PTPRG: variants seen among roughly 807,000 people sequenced by gnomAD.
The protein encoded by PTPRG is receptor-type tyrosine-protein phosphatase gamma.
In PTPRG, 102 loss-of-function variants were observed where a neutral mutation model predicts 165.3. The ratio of observed to expected loss-of-function variants is 0.62; its 90% CI spans 0.53 to 0.73. PTPRG has a LOEUF of 0.73. Ranked by LOEUF, PTPRG falls within the 30% of genes least tolerant of loss-of-function variation. PTPRG has a pLI of 0.00. For missense variants in PTPRG, 1,866 were observed against 1,861.4 expected, an observed-to-expected ratio of 1.00 and a Z score of -0.05; for synonymous variants, 675 against 669.5, an observed-to-expected ratio of 1.01 and a Z score of -0.13.
intron 1 of PTPRG, among the ~76,000 whole-genome samples, chr3:61,690,473 G>T (rs115320602): frequency 6.6e-6 from 1 of 152,162 alleles, no homozygotes; most frequent in East Asian, 1.9e-4. Flanking sequence ...TCACCTGGAC[G>T]TCTGATACAT....
At chr3:61,801,293 C>T (rs983357919) in intron 2 of PTPRG, among the ~76,000 whole-genome samples, 35 of 151,768 alleles carry the variant, frequency 2.3e-4, no homozygotes, top group South Asian at 6.3e-4. Context: ...TGTGCGCACA[C>T]GCATATGTGT....
intron 5 of PTPRG, among the ~76,000 whole-genome samples, chr3:62,098,328 G>A (rs2106818264): frequency 6.6e-6 from 1 of 152,240 alleles, no homozygotes; most frequent in South Asian, 2.1e-4. Flanking sequence ...CACTTACATT[G>A]TATTAGGTAT....
chr3:61,701,466 GT>G (rs2106705778), intron 1 of PTPRG, among the ~76,000 whole-genome samples: 1 of 152,162 alleles, frequency 6.6e-6, no homozygotes, highest in East Asian at 1.9e-4. Context: ...GATTATAATA[GT>G]AATATTTGAA....
rs140231422 is a variant in PTPRG at position 62,254,155 on chromosome 3, A to G, written c.2468-969A>G. Among the ~76,000 whole-genome samples the G allele has an allele frequency of 1.3e-5, 2 of 152,344 alleles. No homozygotes were observed. The highest frequency in any genetic ancestry group is 3.9e-4 in the East Asian group (2 of 5,184). ...ACCTCATTTACACATACAGATCTTC[A>G]TACCCTTTGCTAAGAAAAGCATCTG... On this transcript the variant is annotated intron_variant, in intron 15 of 29. Coordinates refer to ENST00000474889, the MANE Select transcript of PTPRG (RefSeq NM_002841.4). The surrounding 1 kb of genome is among the most constrained non-coding windows in gnomAD (Gnocchi z 4.6).
At chr3:61,945,905 G>A (rs1456617283) in intron 2 of PTPRG, among the ~76,000 whole-genome samples, 2 of 152,184 alleles carry the variant, frequency 1.3e-5, no homozygotes, top group East Asian at 1.9e-4. Flanking sequence ...ACACAGAGAC[G>A]TGAAGTGGCT....
At position 62,293,237 on chromosome 3, in the gene PTPRG, T is replaced by A. The variant is rs1227001417; in HGVS notation, c.4268T>A (p.Val1423Glu). The change falls in exon 30 of 30, where the codon GTA (valine) becomes GAA (glutamate). Residue 1423 changes from valine (V) to glutamate (E), a missense_variant. Physicochemically the swap from Val to Glu is moderately radical, Grantham distance 121. This residue lies in a region of PTPRG where 1,452 missense variants were observed against 1,463.0 expected (regional missense o/e 0.99). Coordinates refer to ENST00000474889, the MANE Select transcript of PTPRG (RefSeq NM_002841.4). Reference protein sequence around the residue: ...TKENGNGPMTVDKNGAVLIAD... With the variant: ...TKENGNGPMTEDKNGAVLIAD... Reference sequence around the variant, plus strand: ...GAAAATGGAAATGGTCCCATGACAGTAGACAAAAATGGTGCTGTTCTTATT... The same window carrying A: ...GAAAATGGAAATGGTCCCATGACAGAAGACAAAAATGGTGCTGTTCTTATT... 6.2e-7 allele frequency: 1 copy of A among 1,611,932 alleles called. No individual in the cohort carries two copies. Among genetic ancestry groups the A allele is most frequent in the African/African-American group, 1.3e-5 (1 of 74,800 alleles).
At chr3:62,150,715 T>A (rs114902373) in intron 6 of PTPRG, among the ~76,000 whole-genome samples, 9 of 152,300 alleles carry the variant, frequency 5.9e-5, no homozygotes, top group African/African-American at 2.2e-4. Context: ...CAAATAATCA[T>A]TGGGCTAAAA....
At chr3:62,266,093 T>C (rs1001422179) in intron 17 of PTPRG, among the ~76,000 whole-genome samples, 2 of 152,196 alleles carry the variant, frequency 1.3e-5, no homozygotes, top group African/African-American at 4.8e-5. Flanking sequence ...TGGTTAAATG[T>C]GAATTGCACT....
At chr3:61,965,832 CT>C (rs1414510097) in intron 2 of PTPRG, among the ~76,000 whole-genome samples, 1 of 152,226 alleles carries the variant, frequency 6.6e-6, no homozygotes, top group African/African-American at 2.4e-5. Flanking sequence ...CCCAGGACCA[CT>C]TACATGCCAA....
intron 1 of PTPRG, among the ~76,000 whole-genome samples, chr3:61,578,615 A>C (rs575062896): frequency 2.3e-4 from 35 of 152,340 alleles, no homozygotes; most frequent in African/African-American, 7.9e-4. Context: ...CCAGCCTGCT[A>C]CTTAATTTGG....
At chr3:62,020,685 G>C (rs930384419) in intron 4 of PTPRG, among the ~76,000 whole-genome samples, 3 of 152,068 alleles carry the variant, frequency 2.0e-5, no homozygotes, top group Middle Eastern at 3.4e-3. Flanking sequence ...TACTTAGCAG[G>C]GGCTTATTTC....
intron 13 of PTPRG, among the ~76,000 whole-genome samples, chr3:62,221,677 A>G (rs1443717402): frequency 6.6e-6 from 1 of 152,196 alleles, no homozygotes; most frequent in African/African-American, 2.4e-5. Flanking sequence ...GAGGCAGATC[A>G]AAACCTTCTG....
At chr3:61,657,967 T>C (rs1473881910) in intron 1 of PTPRG, among the ~76,000 whole-genome samples, 1 of 151,846 alleles carries the variant, frequency 6.6e-6, no homozygotes, top group Admixed American at 6.6e-5. Flanking sequence ...GACATGAGTG[T>C]GCATGTGGAC....
chr3:61,658,743 T>C (rs1702579876), intron 1 of PTPRG, among the ~76,000 whole-genome samples: 1 of 152,190 alleles, frequency 6.6e-6, no homozygotes, highest in Admixed American at 6.5e-5. Context: ...AGGTGAAGTA[T>C]TTATAGAATG....
intron 1 of PTPRG, among the ~76,000 whole-genome samples, chr3:61,700,026 G>T (rs1438340706): frequency 1.3e-5 from 2 of 152,060 alleles, no homozygotes; most frequent in African/African-American, 4.8e-5. Context: ...TGGGATTCTG[G>T]GTTCTTGGCA....
intron 1 of PTPRG, among the ~76,000 whole-genome samples, chr3:61,655,207 G>A (rs1027287598): frequency 6.6e-6 from 1 of 152,272 alleles, no homozygotes. Context: ...AGTTGTACAA[G>A]GGCACAGTGC....
chr3:61,898,203 G>T (rs1575764326), intron 2 of PTPRG, among the ~76,000 whole-genome samples: 1 of 152,080 alleles, frequency 6.6e-6, no homozygotes, highest in South Asian at 2.1e-4. Context: ...TCTCTCTGTA[G>T]GTGTTCCTTC....
At chr3:61,907,992 G>A (rs1436535288) in intron 2 of PTPRG, among the ~76,000 whole-genome samples, 1 of 151,788 alleles carries the variant, frequency 6.6e-6, no homozygotes, top group African/African-American at 2.4e-5. Flanking sequence ...GTAGTGGTGT[G>A]TGCCTGTAGT....
At chr3:62,009,305 T>C (rs971887390) in intron 4 of PTPRG, among the ~76,000 whole-genome samples, 1 of 152,178 alleles carries the variant, frequency 6.6e-6, no homozygotes, top group Non-Finnish European at 1.5e-5. Flanking sequence ...TACTTCTCTC[T>C]TCCTCCTCCT....
Sources: allele counts gnomAD v4.1 joint callset (sites outside exome capture counted in the v4.1 genomes callset), GRCh38; gene constraint gnomAD v4.1.1; regional missense constraint gnomAD v4.1.1; non-coding constraint Gnocchi (gnomAD v3.1); transcripts MANE v1.5; gene names NCBI Gene and HGNC (gene_info 2026-07-23, HGNC 2026-07-21).